The following ARAP1 variants were observed in gnomAD, a reference collection of about 807,000 sequenced individuals.
ARAP1 encodes the protein ArfGAP with RhoGAP domain, ankyrin repeat and PH domain 1, also known as arf-GAP with Rho-GAP domain, ANK repeat and PH domain-containing protein 1.
In ARAP1, 76 loss-of-function variants were observed where a neutral mutation model predicts 172.2. The observed-to-expected ratio is 0.44, with a 90% CI of 0.37 to 0.53. The LOEUF is 0.53. Ranked by LOEUF, ARAP1 falls within the 20% of genes least tolerant of loss-of-function variation. The pLI is 0.00. For missense variants in ARAP1, 1,686 were observed against 1,977.5 expected (o/e 0.85, Z 2.80); for synonymous variants, 804 against 803.3 (o/e 1.00, Z -0.01).
intron 11 of ARAP1, among the ~76,000 whole-genome samples, chr11:72,709,622 C>T (rs1466225962): frequency 2.0e-5 from 3 of 151,858 alleles, no homozygotes; most frequent in Non-Finnish European, 4.4e-5. Context: ...GATGGGCAAC[C>T]CCTGAGCAGC....
At chr11:72,745,804 A>G (rs1293704507) in intron 1 of ARAP1, among the ~76,000 whole-genome samples, 1 of 152,096 alleles carries the variant, frequency 6.6e-6, no homozygotes, top group Non-Finnish European at 1.5e-5. Flanking sequence ...CTCCTGGACG[A>G]CTGCCTGGCT....
In ARAP1 at chr11:72,710,563, G is replaced by A; in HGVS notation, c.1238C>T (p.Ala413Val). The A allele has an allele frequency of 6.2e-7, 1 of 1,609,490 alleles. No homozygotes were observed. Among genetic ancestry groups the A allele is most frequent in the Non-Finnish European group, 8.5e-7 (1 of 1,179,722 alleles). Residue 413 changes from alanine to valine, a missense_variant, in exon 10 of 35, where the codon GCC (alanine) becomes GTC (valine). Ala to Val is a moderately conservative substitution (Grantham distance 64). Around this residue, in one of 5 missense-constraint regions of ARAP1, gnomAD observed 688 missense variants for 856.9 expected, o/e 0.80. Coordinates refer to ENST00000393609, the MANE Select transcript of ARAP1 (RefSeq NM_001040118.3). This position sits in a 1 kb window ranked among gnomAD's most constrained non-coding sequence, Gnocchi z 4.3. ...SDVERKEWMQ[A>V]LQQAMAEQRA... ...CTGCTCAGCCATGGCCTGCTGCAGG[G>A]CCTGCATCCACTCCTTCCGCTCCAC...
chr11:72,705,991 A>C, intron 12 of ARAP1, 101 bp from the exon 13 acceptor site: 3 of 1,208,120 alleles, frequency 2.5e-6, no homozygotes, highest in Non-Finnish European at 3.6e-6. Context: ...ATGAGAGGCC[A>C]CAGGCAGGCC....
intron 12 of ARAP1, 36 bp from the exon 13 acceptor site, chr11:72,705,926 C>T (rs755979905): frequency 6.2e-7 from 1 of 1,602,868 alleles, no homozygotes; most frequent in South Asian, 1.1e-5. Flanking sequence ...ATCACCTGGG[C>T]CCCCCCTTCA....
In ARAP1 at chr11:72,686,199, G is replaced by A. The variant is rs1855677068; in HGVS notation, c.4186-8C>T. On this transcript the variant is annotated splice_polypyrimidine_tract_variant and splice_region_variant and intron_variant, in intron 33 of 34. Coordinates refer to ENST00000393609, the MANE Select transcript of ARAP1 (RefSeq NM_001040118.3). ...CCACACCAGGCCGTCATGCTGGGGA[G>A]CAGAGAGGAAGGGGCTGGGCTCAGC... 1 of 1,609,582 alleles carries A rather than the reference G, an allele frequency of 6.2e-7. No individual in the cohort carries two copies. The highest frequency in any genetic ancestry group is 1.3e-5 in the African/African-American group (1 of 74,878).
At position 72,750,456 on chromosome 11, in the gene ARAP1, G is replaced by T. The variant is rs12418161; in HGVS notation, c.-128+1872C>A. Reference sequence around the variant, plus strand: ...CACCTCCAGCCGATGCCCTAGGCCTGGTCCACCACTAGCCCCCGATACTCT... The same window carrying T: ...CACCTCCAGCCGATGCCCTAGGCCTTGTCCACCACTAGCCCCCGATACTCT... On this transcript the variant is annotated intron_variant, in intron 1 of 34. Coordinates refer to ENST00000393609, the MANE Select transcript of ARAP1 (RefSeq NM_001040118.3). Among the ~76,000 whole-genome samples, 1,415 of 152,196 alleles carry T rather than the reference G, an allele frequency of 9.3e-3. 83 individuals are homozygous for T. The highest frequency in any genetic ancestry group is 0.084 in the Admixed American group (1,276 of 15,280).
In ARAP1 at chr11:72,710,247, G is replaced by T. The variant is rs1470865696; in HGVS notation, c.1416+138C>A. 1.1e-5 allele frequency: 12 copies of T among 1,107,178 alleles called. No homozygotes were observed. Among genetic ancestry groups the T allele is most frequent in the Non-Finnish European group, 1.5e-5 (11 of 750,602 alleles). 68.6% of individuals were successfully genotyped at this position (1,107,178 alleles called of 1,614,324 possible). On this transcript the variant is annotated intron_variant, in intron 10 of 34. Transcript: ENST00000393609. The surrounding 1 kb of genome is among the most constrained non-coding windows in gnomAD (Gnocchi z 4.3). Reference sequence around the variant, plus strand: ...GGGGAAGTGGTCAGAACTTGGGGGAGCGAGGACATATCCAGGCAAAGGGCT... The same window carrying T: ...GGGGAAGTGGTCAGAACTTGGGGGATCGAGGACATATCCAGGCAAAGGGCT...
At position 72,714,255 on chromosome 11, in the gene ARAP1, C is replaced by T; in HGVS notation, c.576G>A (p.Glu192=). The change falls in exon 4 of 35, where the codon GAG becomes GAA. Residue 192 remains glutamate, a synonymous_variant. Coordinates refer to ENST00000393609, the MANE Select transcript of ARAP1 (RefSeq NM_001040118.3). ...SLSSPPQPQS[E]EPLSTLPQGP... is the part of the protein sequence containing the mutation. Reference sequence around the variant, plus strand: ...CCTGGGGGAGGGTGGACAGGGGCTCCTCAGACTGTGGCTGGGGAGGGGATG... The same window carrying T: ...CCTGGGGGAGGGTGGACAGGGGCTCTTCAGACTGTGGCTGGGGAGGGGATG... 6.5e-7 allele frequency: 1 copy of T among 1,542,188 alleles called. No homozygotes were observed. The highest frequency in any genetic ancestry group is 8.7e-7 in the Non-Finnish European group (1 of 1,144,636).
chr11:72,733,609 T>C (rs1368403796), intron 1 of ARAP1, among the ~76,000 whole-genome samples: 1 of 152,116 alleles, frequency 6.6e-6, no homozygotes, highest in Non-Finnish European at 1.5e-5. Flanking sequence ...TGGAGTGGCA[T>C]GGACAGGTCT....
chr11:72,697,237 G>GA, intron 21 of ARAP1, 42 bp from the exon 22 acceptor site: 2 of 1,590,696 alleles, frequency 1.3e-6, no homozygotes, highest in Non-Finnish European at 1.7e-6. Context: ...CTGAGGCATA[G>GA]AGTCATGGGG....
rs1857112584 is a variant in ARAP1 at position 72,713,204 on chromosome 11, C to T, written c.719G>A (p.Gly240Glu). The change falls in exon 5 of 35, where the codon GGG (glycine) becomes GAG (glutamate). Residue 240 changes from glycine to glutamate, a missense_variant. Around this residue, in one of 5 missense-constraint regions of ARAP1, gnomAD observed 155 missense variants for 129.2 expected, o/e 1.20. Coordinates refer to ENST00000393609, the MANE Select transcript of ARAP1 (RefSeq NM_001040118.3). ...DYDEVPEEGP[G>E]APARVMTKKE... The stretch of plus-strand genomic sequence containing the variant: ...CTTGGTCATCACTCTGGCTGGGGCC[C>T]CCGGCCCCTCCTCTGGGACCTCATC... 1.2e-6 allele frequency: 2 copies of T among 1,614,056 alleles called. No homozygotes were observed. The highest frequency in any genetic ancestry group is 1.3e-5 in the African/African-American group (1 of 75,040).
rs1461138281 is a variant in ARAP1, at chr11:72,714,261, CTG to C, written c.568_569del (p.Gln190ValfsTer2). The C allele has an allele frequency of 4.5e-6, 7 of 1,542,646 alleles. No individual in the cohort carries two copies. Among genetic ancestry groups the C allele is most frequent in the Non-Finnish European group, 6.1e-6 (7 of 1,144,566 alleles). ...GGAGGGTGGACAGGGGCTCCTCAGACTGTGGCTGGGGAGGGGATGATAATGAT... is the reference window on the plus strand; with the variant it reads ...GGAGGGTGGACAGGGGCTCCTCAGACTGGCTGGGGAGGGGATGATAATGAT... ...LPSLSSPPQP[Q>X]SEEPLSTLPQ... On this transcript the variant is annotated frameshift_variant, in exon 4 of 35. Coordinates refer to ENST00000393609, the MANE Select transcript of ARAP1 (RefSeq NM_001040118.3). LOFTEE classifies it high-confidence loss of function.
At chr11:72,685,906 C>G in intron 34 of ARAP1, 136 bp downstream of exon 34, 1 of 1,519,438 alleles carries the variant, frequency 6.6e-7, no homozygotes, top group Non-Finnish European at 9.1e-7. Flanking sequence ...CCTATGAGGG[C>G]CCCCACCAAG....
chr11:72,740,003 G>T (rs930663887), intron 1 of ARAP1, among the ~76,000 whole-genome samples: 1 of 152,230 alleles, frequency 6.6e-6, no homozygotes, highest in African/African-American at 2.4e-5. Flanking sequence ...TCCCCTTGGG[G>T]ACTGTGGGGA....
chr11:72,744,041 G>A (rs1286256731), intron 1 of ARAP1, among the ~76,000 whole-genome samples: 1 of 151,990 alleles, frequency 6.6e-6, no homozygotes, highest in African/African-American at 2.4e-5. Context: ...GGTTCCCTTT[G>A]CCTAGAACAT....
intron 31 of ARAP1, 110 bp downstream of exon 31, chr11:72,688,345 A>G: frequency 1.1e-6 from 1 of 925,122 alleles, no homozygotes; most frequent in Non-Finnish European, 1.7e-6. Flanking sequence ...ACACCATCAG[A>G]GCCCCTGCAC....
rs779640363 is a variant in ARAP1, at chr11:72,712,427, C to T, written c.878+11G>A. The T allele has an allele frequency of 4.2e-5, 65 of 1,559,972 alleles. No homozygotes were observed. The highest frequency in any genetic ancestry group is 1.7e-4 in the Middle Eastern group (1 of 5,810). On this transcript the variant is annotated intron_variant, in intron 6 of 34. Transcript: ENST00000393609. ...TGGGCTCAGTGGGAAGGAGGGTGGC[C>T]GGACACTCACTTGGGGACGCCCTCA...
At chr11:72,697,283 C>T (rs1399932664) in intron 21 of ARAP1, 40 bp downstream of exon 21, 2 of 1,580,404 alleles carry the variant, frequency 1.3e-6, no homozygotes, top group African/African-American at 2.7e-5. Context: ...AGGCGGCTCT[C>T]CGGGAGGGGC....
At chr11:72,698,911 C>T (rs1277915999) in intron 18 of ARAP1, 94 bp downstream of exon 18, 5 of 1,314,868 alleles carry the variant, frequency 3.8e-6, no homozygotes, top group Non-Finnish European at 5.4e-6. Context: ...CTTCTGCTCT[C>T]TAGACGGGGG....
Sources: gnomAD v4.1 joint callset for allele counts (sites outside exome capture counted in the v4.1 genomes callset) on GRCh38, gnomAD v4.1.1 for gene constraint, gnomAD v4.1.1 regional missense constraint, Gnocchi (gnomAD v3.1) non-coding constraint, MANE v1.5 for transcripts, NCBI Gene and HGNC (gene_info 2026-07-23, HGNC 2026-07-21) for gene names.